Variants in KCNC2 observed in about 807,000 individuals in gnomAD.
The protein encoded by KCNC2 is voltage-gated potassium channel KCNC2.
KCNC2 carries 21 observed loss-of-function variants against 44.5 expected under a neutral mutation model. The observed-to-expected ratio is 0.47, with a 90% CI of 0.33 to 0.68. The LOEUF is 0.68. KCNC2 is among the 30% of genes least tolerant of loss of function. The probability of loss-of-function intolerance (pLI) is 0.01; values close to 1 mark genes in which losing one functional copy is unlikely to be tolerated. For missense variants in KCNC2, 589 were observed against 826.2 expected (o/e 0.71, Z 3.52); for synonymous variants, 391 against 339.1 (o/e 1.15, Z -1.68).
chr12:75,071,937 CAAAAAAAAAA>C (rs751849483), intron 2 of KCNC2, among the ~76,000 whole-genome samples: 20,143 of 67,932 alleles, frequency 0.3, 1,910 homozygotes, highest in Admixed American at 0.49. Context: ...GACTCCTTCT[CAAAAAAAAAA>C]AAAAAAAAAA....
chr12:75,168,097 T>C (rs913752032), intron 2 of KCNC2, among the ~76,000 whole-genome samples: 1 of 146,170 alleles, frequency 6.8e-6, no homozygotes, highest in Admixed American at 7.1e-5. Flanking sequence ...TCATTTGCCC[T>C]CCTAAAACTG....
In KCNC2 at chr12:75,183,922, G is replaced by C. The variant is rs548141205; in HGVS notation, c.687+23375C>G. ...CCATTCCACCTCTCAGATTCTTGGA[G>C]TTCCAGCATTACTCAACTTTATATA... is the stretch of plus-strand genomic sequence containing the variant. On this transcript the variant is annotated intron_variant, in intron 2 of 4. Transcript: ENST00000549446. Among the ~76,000 whole-genome samples, 10 of 152,198 alleles carry C rather than the reference G, an allele frequency of 6.6e-5. No individual in the cohort carries two copies. The South Asian group carries it at 2.1e-3, about 32-fold the overall frequency.
intron 2 of KCNC2, among the ~76,000 whole-genome samples, chr12:75,100,728 C>T (rs1227908641): frequency 1.3e-5 from 2 of 151,890 alleles, no homozygotes; most frequent in South Asian, 2.1e-4. Flanking sequence ...TAAACTCATC[C>T]TGTATATTGT....
At chr12:75,120,945 T>C (rs1436554376) in intron 2 of KCNC2, among the ~76,000 whole-genome samples, 1 of 152,204 alleles carries the variant, frequency 6.6e-6, no homozygotes, top group African/African-American at 2.4e-5. Flanking sequence ...AACTATATTG[T>C]ATCCCCATTT....
At chr12:75,181,726 A>C (rs915154436) in intron 2 of KCNC2, among the ~76,000 whole-genome samples, 1 of 152,106 alleles carries the variant, frequency 6.6e-6, no homozygotes, top group African/African-American at 2.4e-5. Flanking sequence ...ATGTGTATTT[A>C]AATTAACCTC....
chr12:75,041,835 C>T lies in KCNC2; in HGVS notation c.*1270G>A. The stretch of plus-strand genomic sequence containing the variant: ...TTAATTTATACACAAAGCAGAGAGG[C>T]TGCTCCAAATAGCAAAAAATGGTAT... On this transcript the variant is annotated 3_prime_UTR_variant, in exon 5 of 5. Coordinates refer to ENST00000549446, the MANE Select transcript of KCNC2 (RefSeq NM_139137.4). 1.0e-6 allele frequency: 1 copy of T among 988,050 alleles called. No individual in the cohort carries two copies. 61.2% of individuals were successfully genotyped at this position (988,050 alleles called of 1,614,324 possible).
chr12:75,050,077 G>A (rs562494604), intron 3 of KCNC2, among the ~76,000 whole-genome samples: 20 of 152,040 alleles, frequency 1.3e-4, no homozygotes, highest in Non-Finnish European at 2.1e-4. Context: ...CCATCACATC[G>A]TGCAGGGAAA....
chr12:75,164,937 A>C (rs1178954596), intron 2 of KCNC2, among the ~76,000 whole-genome samples: 1 of 151,642 alleles, frequency 6.6e-6, no homozygotes, highest in Non-Finnish European at 1.5e-5. Flanking sequence ...ATTAGTACCA[A>C]AGTGTCCACC....
Position 75,156,957 on chromosome 12 carries a change from C to T in KCNC2, c.687+50340G>A, listed in dbSNP as rs376756524. Among the ~76,000 whole-genome samples the T allele has an allele frequency of 5.3e-5, 8 of 151,744 alleles. No homozygotes were observed. In the East Asian group the frequency reaches 9.7e-4, roughly 18 times the overall value. On this transcript the variant is annotated intron_variant, in intron 2 of 4. Coordinates refer to ENST00000549446, the MANE Select transcript of KCNC2 (RefSeq NM_139137.4). ...AACACTGGGTAAAGTGTTGACTATGCGCTATAAACCAACTTACTTCAAGAA... is the reference window on the plus strand; with the variant it reads ...AACACTGGGTAAAGTGTTGACTATGTGCTATAAACCAACTTACTTCAAGAA...
At chr12:75,116,614 A>T (rs1887677207) in intron 2 of KCNC2, among the ~76,000 whole-genome samples, 1 of 152,252 alleles carries the variant, frequency 6.6e-6, no homozygotes, top group Non-Finnish European at 1.5e-5. Flanking sequence ...GAAATAAAAG[A>T]CAAAACATGA....
intron 2 of KCNC2, among the ~76,000 whole-genome samples, chr12:75,199,483 T>C (rs2031059308): frequency 6.6e-6 from 1 of 151,916 alleles, no homozygotes; most frequent in South Asian, 2.1e-4. Context: ...CAAGTTCTTC[T>C]GCTTTGATTT....
At chr12:75,189,735 G>C (rs1471863716) in intron 2 of KCNC2, among the ~76,000 whole-genome samples, 2 of 152,128 alleles carry the variant, frequency 1.3e-5, no homozygotes, top group Non-Finnish European at 2.9e-5. Context: ...GTTAGGCAAT[G>C]GTATCAGGAA....
intron 2 of KCNC2, among the ~76,000 whole-genome samples, chr12:75,103,381 C>A (rs1886528292): frequency 6.6e-6 from 1 of 152,130 alleles, no homozygotes; most frequent in Non-Finnish European, 1.5e-5. Context: ...CATAATAGTT[C>A]ACCAGTAACT....
intron 2 of KCNC2, among the ~76,000 whole-genome samples, chr12:75,052,874 T>C (rs1031721722): frequency 1.3e-5 from 2 of 152,164 alleles, no homozygotes; most frequent in Admixed American, 6.6e-5. Flanking sequence ...ATCAGCTGTA[T>C]AGTATTCTAA....
At chr12:75,078,266 G>C (rs1202642214) in intron 2 of KCNC2, among the ~76,000 whole-genome samples, 3 of 152,142 alleles carry the variant, frequency 2.0e-5, no homozygotes, top group African/African-American at 7.2e-5. Flanking sequence ...GTGGTACTAG[G>C]AGACCAGCCC....
At chr12:75,087,262 A>G (rs76148246) in intron 2 of KCNC2, among the ~76,000 whole-genome samples, 5,117 of 152,204 alleles carry the variant, frequency 0.034, 284 homozygotes, top group African/African-American at 0.12. Context: ...TTAGGGCCTC[A>G]GAACTCATTG....
chr12:75,176,384 CT>C (rs1892183522), intron 2 of KCNC2, among the ~76,000 whole-genome samples: 1 of 152,008 alleles, frequency 6.6e-6, no homozygotes, highest in Non-Finnish European at 1.5e-5. Flanking sequence ...TGCCATTCCT[CT>C]GCTCAAAACC....
rs536254556 is a variant in KCNC2, at chr12:75,076,790, G to T, written c.688-25473C>A. 9.9e-5 allele frequency among the ~76,000 whole-genome samples: 15 copies of T among 152,158 alleles called. No homozygotes were observed. The South Asian group carries it at 3.1e-3, about 32-fold the overall frequency. ...GCTAAATGTTACTTTCAGTATCTTG[G>T]TTTTCAGTTAAATATATCTATCTCT... On this transcript the variant is annotated intron_variant, in intron 2 of 4. Transcript: ENST00000549446.
At chr12:75,134,369 T>C (rs910602121) in intron 2 of KCNC2, among the ~76,000 whole-genome samples, 2 of 152,116 alleles carry the variant, frequency 1.3e-5, no homozygotes, top group East Asian at 1.9e-4. Context: ...TTAATACATA[T>C]GTGCATGCTT....
Sources: gnomAD v4.1 joint callset for allele counts (sites outside exome capture counted in the v4.1 genomes callset) on GRCh38, gnomAD v4.1.1 for gene constraint, MANE v1.5 for transcripts, NCBI Gene and HGNC (gene_info 2026-07-23, HGNC 2026-07-21) for gene names.